Variants in PHLPP1 observed in about 807,000 individuals in gnomAD.
PHLPP1 encodes the protein PH domain leucine-rich repeat-containing protein phosphatase 1.
A neutral mutation model predicts 117.2 loss-of-function variants in PHLPP1; 42 were observed. The ratio of observed to expected loss-of-function variants is 0.36; its 90% CI spans 0.28 to 0.46. The LOEUF is 0.46. PHLPP1 is among the 20% of genes least tolerant of loss of function. The pLI, the probability that PHLPP1 is intolerant of heterozygous loss-of-function variation, is 1.00. For synonymous variants in PHLPP1, 1,042 were observed against 970.7 expected (o/e 1.07, Z -1.37); for missense variants, 2,084 against 2,241.9 (o/e 0.93, Z 1.42).
chr18:62,952,026 G>C (rs1356965215), intron 12 of PHLPP1, among the ~76,000 whole-genome samples: 1 of 151,772 alleles, frequency 6.6e-6, no homozygotes, highest in South Asian at 2.1e-4. Flanking sequence ...TGCCATGTTA[G>C]CCAGGATGGT....
Position 62,715,677 on chromosome 18 carries a change from C to A in PHLPP1, c.-7C>A. 1 of 1,286,450 alleles carries A rather than the reference C, an allele frequency of 7.8e-7. No homozygotes were observed. Among genetic ancestry groups the A allele is most frequent in the South Asian group, 2.6e-5 (1 of 38,604 alleles). The allele number at this position is 1,286,450 out of a possible 1,614,324, so 79.7% of individuals were successfully genotyped here. On this transcript the variant is annotated 5_prime_UTR_variant, in exon 1 of 17. Transcript: ENST00000262719. ...GAGCTGGGGGGGAAACGCGAAGCCC[C>A]ACTGCAATGGAGCCCGCCGCCGCGG... is the stretch of plus-strand genomic sequence containing the variant.
chr18:62,918,800 A>G (rs954866147), intron 9 of PHLPP1, among the ~76,000 whole-genome samples: 1 of 152,134 alleles, frequency 6.6e-6, no homozygotes. Context: ...GTTAATAACA[A>G]TGTCTTGTAT....
chr18:62,751,442 C>T (rs1439236553), intron 1 of PHLPP1, among the ~76,000 whole-genome samples: 1 of 152,162 alleles, frequency 6.6e-6, no homozygotes, highest in East Asian at 1.9e-4. Context: ...ACAACATCAT[C>T]TCAAGGGGGA....
chr18:62,804,150 G>A (rs1178896408), intron 1 of PHLPP1, among the ~76,000 whole-genome samples: 12 of 152,102 alleles, frequency 7.9e-5, no homozygotes, highest in Admixed American at 7.9e-4. Flanking sequence ...TCACCAGGGG[G>A]CAGGAAAGAG....
chr18:62,948,764 C>T (rs1462978900), intron 12 of PHLPP1, among the ~76,000 whole-genome samples: 1 of 151,752 alleles, frequency 6.6e-6, no homozygotes, highest in East Asian at 1.9e-4. Context: ...ATGTTTCATC[C>T]CTGGACAGAT....
At chr18:62,729,619 G>A (rs1911173153) in intron 1 of PHLPP1, among the ~76,000 whole-genome samples, 1 of 152,034 alleles carries the variant, frequency 6.6e-6, no homozygotes, top group Admixed American at 6.6e-5. Flanking sequence ...AGGTTGCCGT[G>A]AGCTGAGATC....
intron 4 of PHLPP1, among the ~76,000 whole-genome samples, chr18:62,872,703 T>C (rs147937207): frequency 7.6e-6 from 1 of 131,172 alleles, no homozygotes; most frequent in Non-Finnish European, 1.6e-5. Flanking sequence ...AAAAAAAAAT[T>C]AGGTGGGGCG....
chr18:62,918,083 G>C (rs1325956407), intron 9 of PHLPP1, among the ~76,000 whole-genome samples: 1 of 151,704 alleles, frequency 6.6e-6, no homozygotes, highest in Non-Finnish European at 1.5e-5. Context: ...GTGCACGCCT[G>C]TAGTCCCAGC....
At chr18:62,879,994 G>T (rs1456701208) in intron 4 of PHLPP1, among the ~76,000 whole-genome samples, 1 of 151,130 alleles carries the variant, frequency 6.6e-6, no homozygotes, top group Non-Finnish European at 1.5e-5. Flanking sequence ...AATGCCGCCA[G>T]TAAGTTTTCA....
At chr18:62,799,841 A>C (rs1482447044) in intron 1 of PHLPP1, among the ~76,000 whole-genome samples, 1 of 152,206 alleles carries the variant, frequency 6.6e-6, no homozygotes, top group African/African-American at 2.4e-5. Flanking sequence ...GTTCATTAAA[A>C]CATTTTTCCT....
Position 62,766,077 on chromosome 18 carries a change from ATATATAT to A in PHLPP1, c.1576+48819_1576+48825del, listed in dbSNP as rs1386299882. Among the ~76,000 whole-genome samples the A allele has an allele frequency of 1.1e-3, 24 of 20,986 alleles. 3 individuals carry two copies. Among genetic ancestry groups the A allele is most frequent in the Admixed American group, 1.6e-3 (3 of 1,832 alleles). The allele number at this position is 20,986 out of a possible 152,430, so 13.8% of individuals were successfully genotyped here. On this transcript the variant is annotated intron_variant, in intron 1 of 16. Transcript: ENST00000262719. ...CTCCATCTCAAAAAAAAAAAAAAAAATATATATATATATATATATATATATAAAATAT... is the reference window on the plus strand; with the variant it reads ...CTCCATCTCAAAAAAAAAAAAAAAAAATATATATATATATATATAAAATAT...
intron 1 of PHLPP1, among the ~76,000 whole-genome samples, chr18:62,808,937 T>C (rs750882429): frequency 1.3e-5 from 2 of 152,158 alleles, no homozygotes; most frequent in Non-Finnish European, 2.9e-5. Flanking sequence ...AGTTGCCTGG[T>C]TATTATTTTA....
At chr18:62,810,929 T>C (rs1038680530) in intron 1 of PHLPP1, among the ~76,000 whole-genome samples, 1 of 152,182 alleles carries the variant, frequency 6.6e-6, no homozygotes, top group Non-Finnish European at 1.5e-5. Flanking sequence ...CTTAGGGTCT[T>C]TACAGACATA....
chr18:62,794,304 G>C (rs1913557250), intron 1 of PHLPP1, among the ~76,000 whole-genome samples: 1 of 150,934 alleles, frequency 6.6e-6, no homozygotes, highest in Non-Finnish European at 1.5e-5. Flanking sequence ...ATATTAGTCT[G>C]CGATTTTGGA....
At chr18:62,901,611 A>G (rs917783752) in intron 6 of PHLPP1, among the ~76,000 whole-genome samples, 2 of 148,330 alleles carry the variant, frequency 1.3e-5, no homozygotes, top group Non-Finnish European at 3.0e-5. Context: ...CTAGACTTAT[A>G]TTAATACTCC....
At position 62,979,278 on chromosome 18, in the gene PHLPP1, C is replaced by T. The variant is rs1450383197; in HGVS notation, c.5001C>T (p.Pro1667=). The stretch of plus-strand genomic sequence containing the variant: ...ATCCTGATGATCAGTTTATCATACC[C>T]CCGGAGCTGGAAGAGGAGGTCAAAG... ...QPDPDDQFII[P]PELEEEVKEI... The change falls in exon 17 of 17, where the codon CCC becomes CCT. Residue 1667 remains proline, a synonymous_variant. Coordinates refer to ENST00000262719, the MANE Select transcript of PHLPP1 (RefSeq NM_194449.4). The T allele has an allele frequency of 1.3e-6, 2 of 1,564,522 alleles. No individual in the cohort carries two copies. The highest frequency in any genetic ancestry group is 1.7e-6 in the Non-Finnish European group (2 of 1,154,174).
Position 62,978,797 on chromosome 18 carries a change from G to T in PHLPP1, c.4520G>T (p.Ser1507Ile). The T allele has an allele frequency of 6.2e-7, 1 of 1,612,216 alleles. No homozygotes were observed. Among genetic ancestry groups the T allele is most frequent in the South Asian group, 1.1e-5 (1 of 90,708 alleles). ...EPPPGALSEN[S>I]PAYPSEQRCM... Reference sequence around the variant, plus strand: ...CCGCCCGGAGCCCTAAGCGAGAACAGCCCTGCCTACCCCAGTGAGCAGCGC... The same window carrying T: ...CCGCCCGGAGCCCTAAGCGAGAACATCCCTGCCTACCCCAGTGAGCAGCGC... The change falls in exon 17 of 17, where the codon AGC becomes ATC. Residue 1507 changes from serine (S) to isoleucine (I), a missense_variant. Physicochemically the swap from Ser to Ile is moderately radical, Grantham distance 142 (BLOSUM62 -2). Coordinates refer to ENST00000262719, the MANE Select transcript of PHLPP1 (RefSeq NM_194449.4). This position sits in a 1 kb window ranked among gnomAD's most constrained non-coding sequence, Gnocchi z 7.0.
intron 1 of PHLPP1, among the ~76,000 whole-genome samples, chr18:62,720,563 G>A (rs989014617): frequency 2.6e-5 from 4 of 152,126 alleles, no homozygotes; most frequent in African/African-American, 7.2e-5. Context: ...ACCAAGAGGG[G>A]AGAGGTGGTT....
chr18:62,848,704 TCCTCCCACCTTGG>T (rs1174089908), intron 3 of PHLPP1, among the ~76,000 whole-genome samples: 3 of 152,108 alleles, frequency 2.0e-5, no homozygotes, highest in African/African-American at 7.2e-5. Flanking sequence ...GCTGAAGCAG[TCCTCCCACCTTGG>T]CCTCCCAAAG....
Sources: allele counts gnomAD v4.1 joint callset (sites outside exome capture counted in the v4.1 genomes callset), GRCh38; gene constraint gnomAD v4.1.1; non-coding constraint Gnocchi (gnomAD v3.1); transcripts MANE v1.5; gene names NCBI Gene and HGNC (gene_info 2026-07-23, HGNC 2026-07-21).